The following HIBADH variants were observed in gnomAD, a reference collection of about 807,000 sequenced individuals.
HIBADH encodes the protein 3-hydroxyisobutyrate dehydrogenase.
HIBADH carries 25 observed loss-of-function variants against 36.1 expected under a neutral mutation model. That is an observed-to-expected ratio of 0.69 (90% CI 0.50 to 0.97). HIBADH has a LOEUF of 0.97. Ranked by LOEUF, HIBADH falls within the 50% of genes least tolerant of loss-of-function variation. The pLI is 0.00. For synonymous variants in HIBADH, 160 were observed against 149.5 expected (o/e 1.07, Z -0.51); for missense variants, 421 against 418.0 (o/e 1.01, Z -0.06).
chr7:27,581,877 T>C (rs1374699656), intron 4 of HIBADH, among the ~76,000 whole-genome samples: 1 of 152,014 alleles, frequency 6.6e-6, no homozygotes, highest in Non-Finnish European at 1.5e-5. Context: ...TGGATTTAGC[T>C]TCTTGTGTTT....
chr7:27,541,167 C>T (rs1784145634), intron 5 of HIBADH, among the ~76,000 whole-genome samples: 1 of 148,714 alleles, frequency 6.7e-6, no homozygotes, highest in African/African-American at 2.5e-5. Context: ...TAGGGCACTT[C>T]TGTCTGCATT....
chr7:27,599,015 G>A (rs1032599803), intron 4 of HIBADH, among the ~76,000 whole-genome samples: 2 of 148,818 alleles, frequency 1.3e-5, no homozygotes, highest in Non-Finnish European at 3.0e-5. Context: ...ATTCAAACTC[G>A]ACATACAGTA....
At chr7:27,604,370 T>G (rs2128290765) in intron 4 of HIBADH, among the ~76,000 whole-genome samples, 1 of 152,212 alleles carries the variant, frequency 6.6e-6, no homozygotes, top group African/African-American at 2.4e-5. Flanking sequence ...AAACCTCAAT[T>G]ATAATTATGA....
intron 4 of HIBADH, among the ~76,000 whole-genome samples, chr7:27,573,713 A>G (rs1475485118): frequency 6.6e-6 from 1 of 152,236 alleles, no homozygotes; most frequent in Non-Finnish European, 1.5e-5. Flanking sequence ...CAGAGTAGCT[A>G]CTAGCAACAT....
chr7:27,622,614 G>T (rs773987611), intron 4 of HIBADH, among the ~76,000 whole-genome samples: 17 of 151,954 alleles, frequency 1.1e-4, no homozygotes, highest in Non-Finnish European at 1.6e-4. Context: ...TGATACCATA[G>T]AAATACAAAA....
intron 7 of HIBADH, among the ~76,000 whole-genome samples, chr7:27,526,847 C>G (rs1783909200): frequency 6.6e-6 from 1 of 152,126 alleles, no homozygotes; most frequent in Non-Finnish European, 1.5e-5. Flanking sequence ...ACAGCCCACC[C>G]AAACTCACAT....
At chr7:27,613,507 C>T (rs1003549440) in intron 4 of HIBADH, among the ~76,000 whole-genome samples, 4 of 151,666 alleles carry the variant, frequency 2.6e-5, no homozygotes, top group African/African-American at 9.7e-5. Flanking sequence ...TCCACTGGTT[C>T]CCCCCAGGTT....
rs1785358502 is a variant in HIBADH at position 27,613,153 on chromosome 7, AT to A, written c.484+16217del. ...ATATATTTATATAAATATATTTTAT[AT>A]AAATATATATATTTATATAAATATA... On this transcript the variant is annotated intron_variant, in intron 4 of 7. Coordinates refer to ENST00000265395, the MANE Select transcript of HIBADH (RefSeq NM_152740.4). Among the ~76,000 whole-genome samples the A allele has an allele frequency of 3.4e-4, 3 of 8,914 alleles. No homozygotes were observed. In the African/African-American group the frequency reaches 3.8e-3, roughly 11 times the overall value. The allele number at this position is 8,914 out of a possible 152,430, so 5.8% of individuals were successfully genotyped here.
intron 2 of HIBADH, among the ~76,000 whole-genome samples, chr7:27,638,412 A>T (rs191327135): frequency 6.6e-6 from 1 of 151,690 alleles, no homozygotes; most frequent in African/African-American, 2.4e-5. Context: ...TGAAACTGGA[A>T]CCCTCCTTAT....
intron 1 of HIBADH, among the ~76,000 whole-genome samples, chr7:27,661,878 G>A (rs565634900): frequency 1.3e-5 from 2 of 152,240 alleles, no homozygotes; most frequent in South Asian, 4.1e-4. Context: ...AGGTCTTGCT[G>A]GGAATATCCT....
At chr7:27,591,086 G>A (rs566087100) in intron 4 of HIBADH, among the ~76,000 whole-genome samples, 34 of 152,260 alleles carry the variant, frequency 2.2e-4, no homozygotes, top group African/African-American at 7.9e-4. Context: ...TTAATTTGAA[G>A]TTTAGCTTTC....
At chr7:27,649,280 C>A in intron 2 of HIBADH, 193 bp downstream of exon 2, 2 of 438,450 alleles carry the variant, frequency 4.6e-6, no homozygotes, top group Non-Finnish European at 3.9e-6. Context: ...GAATAGATAC[C>A]CCTGAATGTC....
chr7:27,581,912 G>GA (rs887712737), intron 4 of HIBADH, among the ~76,000 whole-genome samples: 1 of 150,962 alleles, frequency 6.6e-6, no homozygotes, highest in Non-Finnish European at 1.5e-5. Flanking sequence ...AGATCCTCTA[G>GA]AAAAAAAATA....
At chr7:27,626,095 T>C (rs1785636646) in intron 4 of HIBADH, among the ~76,000 whole-genome samples, 1 of 86,414 alleles carries the variant, frequency 1.2e-5, no homozygotes, top group Admixed American at 1.8e-4. Flanking sequence ...ACAGTGAGAC[T>C]CCGTCTCAGA....
At chr7:27,627,732 T>C (rs1785673122) in intron 4 of HIBADH, among the ~76,000 whole-genome samples, 1 of 152,212 alleles carries the variant, frequency 6.6e-6, no homozygotes, top group African/African-American at 2.4e-5. Flanking sequence ...AATGATCATG[T>C]GTCAACCAAT....
At position 27,613,656 on chromosome 7, in the gene HIBADH, G is replaced by GTTT. The variant is rs769054200; in HGVS notation, c.484+15712_484+15714dup. The stretch of plus-strand genomic sequence containing the variant: ...GTGGGGTTTTTTGTTGTTGTTGTGG[G>GTTT]TTTTTTTTGTTTTTTTTTTTTGAGA... On this transcript the variant is annotated intron_variant, in intron 4 of 7. Transcript: ENST00000265395. Among the ~76,000 whole-genome samples the GTTT allele has an allele frequency of 4.7e-3, 280 of 60,114 alleles. 1 individual carries two copies. The highest frequency in any genetic ancestry group is 0.025 in the African/African-American group (255 of 10,070). 39.4% of individuals were successfully genotyped at this position (60,114 alleles called of 152,430 possible).
rs77566218 is a variant in HIBADH at position 27,584,374 on chromosome 7, A to C, written c.485-41274T>G. The stretch of plus-strand genomic sequence containing the variant: ...CAGTAACAGAAACTCACATTCTTTA[A>C]CTGCACCAACAATCTTTTCACAAAA... On this transcript the variant is annotated intron_variant, in intron 4 of 7. Coordinates refer to ENST00000265395, the MANE Select transcript of HIBADH (RefSeq NM_152740.4). 2.1e-3 allele frequency among the ~76,000 whole-genome samples: 318 copies of C among 152,210 alleles called. 5 individuals carry two copies. The highest frequency in any genetic ancestry group is 0.014 in the East Asian group (71 of 5,186).
At chr7:27,565,525 T>G (rs569669608) in intron 4 of HIBADH, among the ~76,000 whole-genome samples, 14 of 152,372 alleles carry the variant, frequency 9.2e-5, no homozygotes, top group Middle Eastern at 3.4e-3. Flanking sequence ...GACCTTGTGT[T>G]CTATGACCTT....
intron 4 of HIBADH, among the ~76,000 whole-genome samples, chr7:27,557,823 T>C (rs1784414628): frequency 6.6e-6 from 1 of 152,204 alleles, no homozygotes; most frequent in Non-Finnish European, 1.5e-5. Context: ...CACCTGAATT[T>C]TGGAGAGGAC....
Sources: gnomAD v4.1 joint callset for allele counts (sites outside exome capture counted in the v4.1 genomes callset) on GRCh38, gnomAD v4.1.1 for gene constraint, MANE v1.5 for transcripts, NCBI Gene and HGNC (gene_info 2026-07-23, HGNC 2026-07-21) for gene names.